Variants in NTNG1 observed in about 807,000 individuals in gnomAD.
NTNG1 encodes netrin G1, also known as netrin-G1.
A neutral mutation model predicts 54.0 loss-of-function variants in NTNG1; 16 were observed. The ratio of observed to expected loss-of-function variants is 0.30; its 90% CI spans 0.20 to 0.45. The LOEUF (loss-of-function observed/expected upper bound fraction) is 0.45, where lower values mean the gene tolerates loss of function less well. Among genes scored for constraint, NTNG1 ranks in the 20% least tolerant of loss-of-function variants. The pLI is 1.00. For synonymous variants in NTNG1, 255 were observed against 263.1 expected (o/e 0.97, Z 0.30); for missense variants, 530 against 678.7 (o/e 0.78, Z 2.43).
intron 2 of NTNG1, among the ~76,000 whole-genome samples, chr1:107,275,530 G>A (rs1332304879): frequency 6.6e-6 from 1 of 152,138 alleles, no homozygotes; most frequent in African/African-American, 2.4e-5. Flanking sequence ...TGAGTCCAAA[G>A]AGCTGAGAAC....
At chr1:107,250,888 C>A (rs1662560783) in intron 2 of NTNG1, among the ~76,000 whole-genome samples, 1 of 152,206 alleles carries the variant, frequency 6.6e-6, no homozygotes, top group South Asian at 2.1e-4. Context: ...ACTCTATGCC[C>A]TTCAGAGGAT....
At chr1:107,237,924 C>T (rs1290366509) in intron 2 of NTNG1, among the ~76,000 whole-genome samples, 7 of 152,242 alleles carry the variant, frequency 4.6e-5, no homozygotes, top group South Asian at 2.1e-4. Flanking sequence ...AATATGGGTT[C>T]GGATCCCCCA....
chr1:107,349,200 C>T (rs965369127), intron 3 of NTNG1, among the ~76,000 whole-genome samples: 21 of 152,134 alleles, frequency 1.4e-4, no homozygotes, highest in African/African-American at 4.8e-4. Flanking sequence ...TGGATTCCTT[C>T]GCATTAATCA....
intron 3 of NTNG1, among the ~76,000 whole-genome samples, chr1:107,374,446 G>A (rs1449404393): frequency 1.3e-5 from 2 of 151,672 alleles, no homozygotes; most frequent in African/African-American, 4.8e-5. Flanking sequence ...TCTTCTCTAT[G>A]TTTCATTTTA....
chr1:107,170,672 G>C (rs1309898611), intron 2 of NTNG1, among the ~76,000 whole-genome samples: 1 of 151,904 alleles, frequency 6.6e-6, no homozygotes, highest in Non-Finnish European at 1.5e-5. Flanking sequence ...TATATGTTTT[G>C]TTTTAATAGT....
At chr1:107,397,062 CTCCTACCCCGAA>C (rs1250170910) in intron 4 of NTNG1, among the ~76,000 whole-genome samples, 1 of 152,200 alleles carries the variant, frequency 6.6e-6, no homozygotes, top group East Asian at 1.9e-4. Flanking sequence ...ATGGAAATGT[CTCCTACCCCGAA>C]TCCTTTGCAT....
upstream of NTNG1, chr1:107,140,232 G>C (rs757477718): frequency 2.0e-5 from 3 of 152,758 alleles, no homozygotes; most frequent in Admixed American, 1.3e-4. Flanking sequence ...TCCACTTGCT[G>C]GCAGTTGCAG....
intron 2 of NTNG1, among the ~76,000 whole-genome samples, chr1:107,200,815 A>T (rs116771339): frequency 0.012 from 1,767 of 151,892 alleles, 31 homozygotes; most frequent in African/African-American, 0.04. Context: ...TATTTACCAA[A>T]TGCTTATTGT....
chr1:107,463,109 T>C (rs1677379847), intron 7 of NTNG1, among the ~76,000 whole-genome samples: 1 of 152,244 alleles, frequency 6.6e-6, no homozygotes, highest in Non-Finnish European at 1.5e-5. Flanking sequence ...AGATTTTCAT[T>C]GTGCCTTGAC....
intron 2 of NTNG1, among the ~76,000 whole-genome samples, chr1:107,320,139 C>T (rs1667572222): frequency 6.6e-6 from 1 of 152,194 alleles, no homozygotes; most frequent in South Asian, 2.1e-4. Flanking sequence ...TGAAATTAAA[C>T]ATCACAATCT....
chr1:107,442,326 T>C (rs556744905), intron 7 of NTNG1, among the ~76,000 whole-genome samples: 12 of 152,218 alleles, frequency 7.9e-5, no homozygotes, highest in African/African-American at 2.9e-4. Context: ...TTAGACCTTT[T>C]TAAAAATGGG....
chr1:107,345,572 AT>A (rs1485120631), intron 3 of NTNG1, among the ~76,000 whole-genome samples: 1 of 152,100 alleles, frequency 6.6e-6, no homozygotes, highest in Non-Finnish European at 1.5e-5. Flanking sequence ...CATATTATTC[AT>A]GACGGCAACC....
chr1:107,156,144 G>A (rs1654980570), intron 2 of NTNG1, among the ~76,000 whole-genome samples: 1 of 152,126 alleles, frequency 6.6e-6, no homozygotes, highest in Non-Finnish European at 1.5e-5. Flanking sequence ...TTTGATTACC[G>A]TAATGTTTTC....
At chr1:107,188,830 G>C (rs1657668129) in intron 2 of NTNG1, among the ~76,000 whole-genome samples, 1 of 152,088 alleles carries the variant, frequency 6.6e-6, no homozygotes, top group African/African-American at 2.4e-5. Context: ...CAGCCAAAGA[G>C]TTCCCTATTG....
At chr1:107,467,976 TG>T (rs1677714332) in intron 7 of NTNG1, among the ~76,000 whole-genome samples, 1 of 152,204 alleles carries the variant, frequency 6.6e-6, no homozygotes, top group Non-Finnish European at 1.5e-5. Context: ...GCCTTGACAT[TG>T]GCATTAACAG....
At chr1:107,296,779 T>C (rs1159688560) in intron 2 of NTNG1, among the ~76,000 whole-genome samples, 1 of 148,566 alleles carries the variant, frequency 6.7e-6, no homozygotes, top group African/African-American at 2.4e-5. Flanking sequence ...TGTTATGTAA[T>C]ATAAAATATA....
chr1:107,290,720 C>A (rs1430666112), intron 2 of NTNG1, among the ~76,000 whole-genome samples: 1 of 151,706 alleles, frequency 6.6e-6, no homozygotes, highest in Non-Finnish European at 1.5e-5. Flanking sequence ...ACAGAAGAGA[C>A]CATCCGTGCT....
At chr1:107,339,404 T>C (rs1034551063) in intron 3 of NTNG1, among the ~76,000 whole-genome samples, 5 of 152,040 alleles carry the variant, frequency 3.3e-5, no homozygotes, top group Admixed American at 6.6e-5. Flanking sequence ...AAATAGAATT[T>C]AAAATATAAA....
chr1:107,441,737 CT>C (rs2101420384), intron 7 of NTNG1, among the ~76,000 whole-genome samples: 1 of 152,024 alleles, frequency 6.6e-6, no homozygotes, highest in South Asian at 2.1e-4. Flanking sequence ...TTATATTGTG[CT>C]TATCATAATA....
Sources: allele counts gnomAD v4.1 joint callset (sites outside exome capture counted in the v4.1 genomes callset), GRCh38; gene constraint gnomAD v4.1.1; transcripts MANE v1.5; gene names NCBI Gene and HGNC (gene_info 2026-07-23, HGNC 2026-07-21).